The following CLNK variants were observed in gnomAD, a reference collection of about 807,000 sequenced individuals.
CLNK encodes cytokine dependent hematopoietic cell linker, also known as cytokine-dependent hematopoietic cell linker.
A neutral mutation model predicts 68.6 loss-of-function variants in CLNK; 74 were observed. The ratio of observed to expected loss-of-function variants is 1.08; its 90% CI spans 0.89 to 1.31. The LOEUF is 1.31. Ranked by LOEUF, CLNK falls within the 50% of genes most tolerant of loss-of-function variation. CLNK has a pLI of 0.00. For synonymous variants in CLNK, 198 were observed against 172.2 expected (o/e 1.15, Z -1.17); for missense variants, 553 against 515.3 (o/e 1.07, Z -0.71).
At position 10,562,106 on chromosome 4, in the gene CLNK, T is replaced by C. The variant is rs868080350; in HGVS notation, c.399+2565A>G. Among the ~76,000 whole-genome samples the C allele has an allele frequency of 5.7e-3, 836 of 147,810 alleles. 10 individuals carry two copies. The highest frequency in any genetic ancestry group is 0.02 in the African/African-American group (803 of 40,548). On this transcript the variant is annotated intron_variant, in intron 7 of 18. Transcript: ENST00000226951. Reference sequence around the variant, plus strand: ...ATTTCTTTTCTTTTTCTTTTCTTTTTTTTTTTTTTTTTGAGACAGGGTCTC... The same window carrying C: ...ATTTCTTTTCTTTTTCTTTTCTTTTCTTTTTTTTTTTTGAGACAGGGTCTC...
intron 16 of CLNK, among the ~76,000 whole-genome samples, chr4:10,512,138 C>G (rs1448121212): frequency 2.0e-5 from 3 of 151,956 alleles, no homozygotes; most frequent in Non-Finnish European, 4.4e-5. Flanking sequence ...GTGTGGACCT[C>G]TAGTTAGAAC....
intron 3 of CLNK, among the ~76,000 whole-genome samples, chr4:10,595,071 A>T (rs959112726): frequency 6.6e-6 from 1 of 152,306 alleles, no homozygotes. Flanking sequence ...ACAAGAGTGA[A>T]ACCCCGTCTC....
At chr4:10,694,901 A>G in the CLNK span, among the ~76,000 whole-genome samples, 2 of 152,282 alleles carry the variant, frequency 1.3e-5, no homozygotes, top group Non-Finnish European at 1.5e-5. Flanking sequence ...CTAACCCTAA[A>G]TAGTGTTCCA....
At position 10,498,311 on chromosome 4, in the gene CLNK, A is replaced by C. The variant is rs1716895926; in HGVS notation, c.1140+2945T>G. Among the ~76,000 whole-genome samples the C allele has an allele frequency of 5.3e-5, 8 of 151,258 alleles. No homozygotes were observed. The South Asian group carries it at 1.5e-3, about 28-fold the overall frequency. On this transcript the variant is annotated intron_variant, in intron 18 of 18. Coordinates refer to ENST00000226951, the MANE Select transcript of CLNK (RefSeq NM_052964.4). Reference sequence around the variant, plus strand: ...TCGAGACCATCCTGGCTAACACTGAAACCCCGTCTCTACTAAAAAAATACA... The same window carrying C: ...TCGAGACCATCCTGGCTAACACTGACACCCCGTCTCTACTAAAAAAATACA...
At chr4:10,552,024 CT>C (rs1309710572) in intron 8 of CLNK, among the ~76,000 whole-genome samples, 3 of 151,692 alleles carry the variant, frequency 2.0e-5, no homozygotes, top group Non-Finnish European at 4.4e-5. Context: ...ATTTTTTGTG[CT>C]TTTTTATTTT....
At chr4:10,672,526 A>C (rs1039003707) in intron 1 of CLNK, among the ~76,000 whole-genome samples, 1 of 152,228 alleles carries the variant, frequency 6.6e-6, no homozygotes, top group Non-Finnish European at 1.5e-5. Flanking sequence ...TAAATGCCTT[A>C]TATCACTTTA....
intron 18 of CLNK, among the ~76,000 whole-genome samples, chr4:10,492,253 C>G (rs1213086117): frequency 2.0e-5 from 3 of 152,134 alleles, no homozygotes; most frequent in African/African-American, 7.2e-5. Flanking sequence ...TATTTTTCAG[C>G]TTTGCCTATA....
intron 2 of CLNK, among the ~76,000 whole-genome samples, chr4:10,651,818 A>G (rs1210558379): frequency 6.6e-6 from 1 of 152,166 alleles, no homozygotes; most frequent in Non-Finnish European, 1.5e-5. Flanking sequence ...GACTGTAAAT[A>G]TATCATTTAG....
chr4:10,603,578 T>C (rs1246058624), intron 2 of CLNK, among the ~76,000 whole-genome samples: 2 of 152,170 alleles, frequency 1.3e-5, no homozygotes, highest in East Asian at 3.9e-4. Flanking sequence ...TAGGGAGTGC[T>C]CCTGGCACCA....
the CLNK span, among the ~76,000 whole-genome samples, chr4:10,721,393 T>C: frequency 2.0e-5 from 3 of 152,140 alleles, no homozygotes; most frequent in African/African-American, 7.2e-5. Flanking sequence ...GACTCTACAA[T>C]CATCTGAAAT....
At chr4:10,649,410 T>G (rs1723642405) in intron 2 of CLNK, among the ~76,000 whole-genome samples, 1 of 152,186 alleles carries the variant, frequency 6.6e-6, no homozygotes, top group Non-Finnish European at 1.5e-5. Flanking sequence ...TGAAATCGCT[T>G]TCTCCTTGGT....
At chr4:10,658,088 T>C (rs140581162) in intron 2 of CLNK, among the ~76,000 whole-genome samples, 130 of 152,272 alleles carry the variant, frequency 8.5e-4, no homozygotes, top group Non-Finnish European at 1.6e-3. Flanking sequence ...TGTGAGGATG[T>C]CTCCTCTAAT....
intron 2 of CLNK, among the ~76,000 whole-genome samples, chr4:10,627,464 G>A (rs1197278606): frequency 6.6e-6 from 1 of 152,070 alleles, no homozygotes; most frequent in Non-Finnish European, 1.5e-5. Context: ...AATATCATTG[G>A]CATTGGTTTC....
At chr4:10,528,663 G>T (rs1202984520) in intron 12 of CLNK, among the ~76,000 whole-genome samples, 1 of 152,116 alleles carries the variant, frequency 6.6e-6, no homozygotes, top group Non-Finnish European at 1.5e-5. Context: ...TAAAAGTTTG[G>T]AATAAAAACT....
upstream of CLNK, among the ~76,000 whole-genome samples, chr4:10,689,484 T>G (rs1453696517): frequency 6.6e-6 from 1 of 152,156 alleles, no homozygotes; most frequent in Admixed American, 6.5e-5. Flanking sequence ...GAAAGAAGTC[T>G]TTGGTTTGGG....
chr4:10,506,884 CT>C (rs1019763901), intron 17 of CLNK, among the ~76,000 whole-genome samples: 2 of 152,066 alleles, frequency 1.3e-5, no homozygotes, highest in Non-Finnish European at 2.9e-5. Flanking sequence ...ACTGCAAGCT[CT>C]GCCTCCCGGG....
upstream of CLNK, among the ~76,000 whole-genome samples, chr4:10,686,616 C>T (rs1422810204): frequency 6.7e-6 from 1 of 150,094 alleles, no homozygotes; most frequent in East Asian, 2.0e-4. Flanking sequence ...TTTTCCAGGC[C>T]TCTGCTTGCA....
chr4:10,499,277 T>C (rs1457131326), intron 18 of CLNK, among the ~76,000 whole-genome samples: 1 of 152,230 alleles, frequency 6.6e-6, no homozygotes, highest in African/African-American at 2.4e-5. Context: ...ATAAAGGCTC[T>C]CGTGCCCCTT....
At chr4:10,587,699 C>T (rs528800215) in intron 3 of CLNK, among the ~76,000 whole-genome samples, 68 of 152,302 alleles carry the variant, frequency 4.5e-4, no homozygotes, top group African/African-American at 1.4e-3. Flanking sequence ...TCGCTGTTAT[C>T]GCCTCAACTT....
Sources: gnomAD v4.1 joint callset for allele counts (sites outside exome capture counted in the v4.1 genomes callset) on GRCh38, gnomAD v4.1.1 for gene constraint, MANE v1.5 for transcripts, NCBI Gene and HGNC (gene_info 2026-07-23, HGNC 2026-07-21) for gene names.